The following DBN1 variants were observed in gnomAD, a reference collection of about 807,000 sequenced individuals.
DBN1 encodes the protein drebrin 1, also known as drebrin.
DBN1 carries 21 observed loss-of-function variants against 83.5 expected under a neutral mutation model. The ratio of observed to expected loss-of-function variants is 0.25; its 90% confidence interval spans 0.18 to 0.36. The LOEUF (loss-of-function observed/expected upper bound fraction) is 0.36, where lower values mean the gene tolerates loss of function less well. DBN1 is among the 10% of genes least tolerant of loss of function. DBN1 has a pLI of 1.00. For synonymous variants in DBN1, 381 were observed against 384.9 expected (o/e 0.99, Z 0.12); for missense variants, 874 against 935.7 (o/e 0.93, Z 0.86).
Position 177,473,514 on chromosome 5 carries a change from C to G in DBN1, c.8G>C (p.Gly3Ala). MA[G>A]VSFSGHRLEL... is the part of the protein sequence containing the mutation. ...CAGGCGGTGGCCGCTGAAGCTGACG[C>G]CGGCCATGCTTCGGGCCGGACCGGG... Residue 3 changes from glycine to alanine, a missense_variant, in exon 1 of 15, where the codon GGC (glycine) becomes GCC (alanine). This residue lies in a region of DBN1 where 82 missense variants were observed against 101.7 expected (regional missense o/e 0.81). Coordinates refer to ENST00000393565, the MANE Select transcript of DBN1 (RefSeq NM_001363541.2). 1 of 1,428,046 alleles carries G rather than the reference C, an allele frequency of 7.0e-7. No individual in the cohort carries two copies. Among genetic ancestry groups the G allele is most frequent in the African/African-American group, 1.5e-5 (1 of 68,020 alleles). 88.5% of individuals were successfully genotyped at this position (1,428,046 alleles called of 1,614,324 possible). A position where few individuals can be genotyped will look rare whatever the true frequency, so the allele number is the denominator to read the frequency against.
chr5:177,468,747 G>T (rs1757641066), intron 2 of DBN1, 97 bp downstream of exon 2: 1 of 723,378 alleles, frequency 1.4e-6, no homozygotes, highest in Non-Finnish European at 2.1e-6. Context: ...GCTGCAGGGT[G>T]CAGGCAGGGA....
Position 177,467,991 on chromosome 5 carries a change from CA to C in DBN1, c.255+116del. The C allele has an allele frequency of 1.9e-6, 2 of 1,048,858 alleles. No individual in the cohort carries two copies. The highest frequency in any genetic ancestry group is 2.9e-6 in the Non-Finnish European group (2 of 692,336). The allele number at this position is 1,048,858 out of a possible 1,614,324, so 65.0% of individuals were successfully genotyped here. A position where few individuals can be genotyped will look rare whatever the true frequency, so the allele number is the denominator to read the frequency against. The stretch of plus-strand genomic sequence containing the variant: ...CAGTTCCCTTCCCCAGCCCCGGCCG[CA>C]TACCCAGTTGATGAGCAGCTCTGGG... On this transcript the variant is annotated intron_variant, in intron 3 of 14. Transcript: ENST00000393565. The surrounding 1 kb of genome is among the most constrained non-coding windows in gnomAD (Gnocchi z 9.1).
chr5:177,459,152 C>T lies in DBN1; in HGVS notation c.1210G>A (p.Glu404Lys). The T allele has an allele frequency of 6.2e-7, 1 of 1,611,300 alleles. No individual in the cohort carries two copies. The highest frequency in any genetic ancestry group is 8.5e-7 in the Non-Finnish European group (1 of 1,178,782). Residue 404 changes from glutamate to lysine, a missense_variant, in exon 12 of 15, where the codon GAG (glutamate) becomes AAG (lysine). Around this residue, in one of 4 missense-constraint regions of DBN1, gnomAD observed 725 missense variants for 719.7 expected, o/e 1.01. Transcript: ENST00000393565. ...VAEQIERALD[E>K]VTSSQPPPLP... is the part of the protein sequence containing the mutation. ...GGTGGAGGCTGCGAGGAGGTGACCTCATCCAGGGCCCGCTCTATCTGCTCA... is the reference window on the plus strand; with the variant it reads ...GGTGGAGGCTGCGAGGAGGTGACCTTATCCAGGGCCCGCTCTATCTGCTCA...
intron 8 of DBN1, among the ~76,000 whole-genome samples, chr5:177,463,589 A>C (rs1757199327): frequency 6.6e-6 from 1 of 152,230 alleles, no homozygotes; most frequent in African/African-American, 2.4e-5. Flanking sequence ...GCTAAATCCC[A>C]AAGTCTCTCG....
At position 177,467,672 on chromosome 5, in the gene DBN1, C is replaced by G; in HGVS notation, c.331-45G>C. ...GTGCTCAGGCGGCACCATCCTCCCG[C>G]CATCCCCACCCCAGCACGCAGACCC... On this transcript the variant is annotated intron_variant, in intron 4 of 14. Coordinates refer to ENST00000393565, the MANE Select transcript of DBN1 (RefSeq NM_001363541.2). The surrounding 1 kb of genome is among the most constrained non-coding windows in gnomAD (Gnocchi z 9.1). 1 of 1,558,740 alleles carries G rather than the reference C, an allele frequency of 6.4e-7. No homozygotes were observed. The highest frequency in any genetic ancestry group is 8.7e-7 in the Non-Finnish European group (1 of 1,151,308).
chr5:177,457,260 G>A lies in DBN1; in HGVS notation c.*173C>T. 1 of 634,770 alleles carries A rather than the reference G, an allele frequency of 1.6e-6. No homozygotes were observed. The highest frequency in any genetic ancestry group is 2.8e-6 in the Non-Finnish European group (1 of 354,750). The allele number at this position is 634,770 out of a possible 1,614,324, so 39.3% of individuals were successfully genotyped here. ...ATCAACTTTTTAAAAAAAGAGAAAAGCTGTAAAAGTCAGGCCCTGTGGGTA... is the reference window on the plus strand; with the variant it reads ...ATCAACTTTTTAAAAAAAGAGAAAAACTGTAAAAGTCAGGCCCTGTGGGTA... On this transcript the variant is annotated 3_prime_UTR_variant, in exon 15 of 15. Transcript: ENST00000393565.
chr5:177,468,233 G>A lies in DBN1; in HGVS notation c.143-13C>T. 1 of 1,609,976 alleles carries A rather than the reference G, an allele frequency of 6.2e-7. No homozygotes were observed. Among genetic ancestry groups the A allele is most frequent in the East Asian group, 2.2e-5 (1 of 44,862 alleles). On this transcript the variant is annotated splice_polypyrimidine_tract_variant and intron_variant, in intron 2 of 14. Transcript: ENST00000393565. Reference sequence around the variant, plus strand: ...TGCAAGCCCCCTTCTAGGGTAATCAGGAGAGTGTCAGGTCTCTCTGCCTCC... The same window carrying A: ...TGCAAGCCCCCTTCTAGGGTAATCAAGAGAGTGTCAGGTCTCTCTGCCTCC...
Position 177,473,586 on chromosome 5 carries a change from A to T in DBN1, c.-65T>A. On this transcript the variant is annotated 5_prime_UTR_variant, in exon 1 of 15. Transcript: ENST00000393565. The stretch of plus-strand genomic sequence containing the variant: ...CGGACGGGCGGACGGAGGAGGAGGG[A>T]GGGAAAGAGGGAGTCGCCGCCGCCG... The T allele has an allele frequency of 1.1e-6, 1 of 923,102 alleles. No homozygotes were observed. Among genetic ancestry groups the T allele is most frequent in the Non-Finnish European group, 1.3e-6 (1 of 749,390 alleles). 57.2% of individuals were successfully genotyped at this position (923,102 alleles called of 1,614,324 possible). A position where few individuals can be genotyped will look rare whatever the true frequency, so the allele number is the denominator to read the frequency against.
rs1756972587 is a variant in DBN1 at position 177,460,765 on chromosome 5, T to C, written c.772-62A>G. On this transcript the variant is annotated intron_variant, in intron 8 of 14. Transcript: ENST00000393565. ...CCCCACAGGGGCTTTTGGCCTTCTT[T>C]TTTACTGTATTTTATTTATTGATTT... 20 of 1,502,894 alleles carry C rather than the reference T, an allele frequency of 1.3e-5. 1 individual carries two copies. In the South Asian group the frequency reaches 2.3e-4, roughly 17 times the overall value. The allele number at this position is 1,502,894 out of a possible 1,614,324, so 93.1% of individuals were successfully genotyped here.
chr5:177,462,157 C>T lies in DBN1; in HGVS notation c.772-1454G>A, dbSNP rs1757092944. The T allele has an allele frequency of 2.3e-5, 22 of 944,780 alleles. No individual in the cohort carries two copies. The South Asian group carries it at 9.7e-4, about 42-fold the overall frequency. The allele number at this position is 944,780 out of a possible 1,614,324, so 58.5% of individuals were successfully genotyped here. ...AGCGCCCGCACTTGGCCTACGTCCC[C>T]CACCCCTGCCTGACCTAGCCGTCAC... is the stretch of plus-strand genomic sequence containing the variant. On this transcript the variant is annotated intron_variant, in intron 8 of 14. Transcript: ENST00000393565.
At position 177,473,593 on chromosome 5, in the gene DBN1, G is replaced by A. The variant is rs1758006856; in HGVS notation, c.-72C>T. On this transcript the variant is annotated 5_prime_UTR_variant, in exon 1 of 15. Coordinates refer to ENST00000393565, the MANE Select transcript of DBN1 (RefSeq NM_001363541.2). ...GCGGACGGAGGAGGAGGGAGGGAAA[G>A]AGGGAGTCGCCGCCGCCGCCTCGGA... 2 of 1,073,942 alleles carry A rather than the reference G, an allele frequency of 1.9e-6. No individual in the cohort carries two copies. The highest frequency in any genetic ancestry group is 3.0e-5 in the South Asian group (1 of 33,528). The allele number at this position is 1,073,942 out of a possible 1,614,324, so 66.5% of individuals were successfully genotyped here. A position where few individuals can be genotyped will look rare whatever the true frequency, so the allele number is the denominator to read the frequency against.
At chr5:177,459,459 AGGCCAGG>A in intron 11 of DBN1, 137 bp downstream of exon 11, 1 of 1,319,312 alleles carries the variant, frequency 7.6e-7, no homozygotes, top group Non-Finnish European at 1.0e-6. Flanking sequence ...GTGCCCCATA[AGGCCAGG>A]GGCAAGAGGC....
chr5:177,459,171 C>G lies in DBN1; in HGVS notation c.1191G>C (p.Gln397His). 6.2e-7 allele frequency: 1 copy of G among 1,611,262 alleles called. No homozygotes were observed. The highest frequency in any genetic ancestry group is 8.5e-7 in the Non-Finnish European group (1 of 1,178,874). The change falls in exon 12 of 15, where the codon CAG (glutamine) becomes CAC (histidine). Residue 397 changes from glutamine to histidine, a missense_variant. Gln to His is a conservative substitution (Grantham distance 24, BLOSUM62 0). Around this residue, in one of 4 missense-constraint regions of DBN1, gnomAD observed 725 missense variants for 719.7 expected, o/e 1.01. Transcript: ENST00000393565. ...TGACCTCATCCAGGGCCCGCTCTAT[C>G]TGCTCAGCGACAGGGGTGGAGGCGG... is the stretch of plus-strand genomic sequence containing the variant. ...SSTASTPVAE[Q>H]IERALDEVTS...
At chr5:177,464,799 G>T (rs1008947654) in intron 8 of DBN1, among the ~76,000 whole-genome samples, 2 of 151,902 alleles carry the variant, frequency 1.3e-5, no homozygotes, top group Non-Finnish European at 2.9e-5. Flanking sequence ...AATTAGCCAG[G>T]CGTGGTGGTG....
Position 177,471,779 on chromosome 5 carries a change from C to T in DBN1, c.86+1657G>A, listed in dbSNP as rs535250017. Among the ~76,000 whole-genome samples the T allele has an allele frequency of 3.9e-5, 6 of 152,168 alleles. 1 individual carries two copies. Among genetic ancestry groups the T allele is most frequent in the South Asian group, 2.1e-4 (1 of 4,814 alleles). ...TGATGAATAACTCGCTTTGGCCACA[C>T]GGATGCTGCTGGGGTGGGTGGGGGC... On this transcript the variant is annotated intron_variant, in intron 1 of 14. Transcript: ENST00000393565.
Position 177,466,947 on chromosome 5 carries a change from C to A in DBN1, c.671G>T (p.Arg224Leu). 1 of 1,612,600 alleles carries A rather than the reference C, an allele frequency of 6.2e-7. No individual in the cohort carries two copies. Among genetic ancestry groups the A allele is most frequent in the Non-Finnish European group, 8.5e-7 (1 of 1,179,780 alleles). ...ERQEQEERER[R>L]YREREQQIEE... ...GATCTGCTGCTCCCGCTCCCGGTAG[C>A]GCCGCTCGCGCTCCTCTTGCTCCTG... The change falls in exon 7 of 15, where the codon CGC (arginine) becomes CTC (leucine). Residue 224 changes from arginine to leucine, a missense_variant. Arg to Leu is a moderately radical substitution (Grantham distance 102). Around this residue, in one of 4 missense-constraint regions of DBN1, gnomAD observed 725 missense variants for 719.7 expected, o/e 1.01. Transcript: ENST00000393565. The surrounding 1 kb of genome is among the most constrained non-coding windows in gnomAD (Gnocchi z 4.8).
Position 177,458,320 on chromosome 5 carries a change from G to A in DBN1, c.1652C>T (p.Thr551Ile). ...APTPPSGTEV[T>I]LAEVPLLDEV... ...ATCCAGCAGGGGCACCTCTGCCAGG[G>A]TGACCTCAGTACCCGAGGGTGGCGT... is the stretch of plus-strand genomic sequence containing the variant. Residue 551 changes from threonine to isoleucine, a missense_variant, in exon 13 of 15, where the codon ACC becomes ATC. Physicochemically the swap from Thr to Ile is moderately conservative, Grantham distance 89 (BLOSUM62 -1). Transcript: ENST00000393565. 4 of 1,613,388 alleles carry A rather than the reference G, an allele frequency of 2.5e-6. No homozygotes were observed. The highest frequency in any genetic ancestry group is 2.5e-6 in the Non-Finnish European group (3 of 1,179,440).
intron 12 of DBN1, 35 bp from the exon 13 acceptor site, chr5:177,458,742 G>T: frequency 6.8e-7 from 1 of 1,463,158 alleles, no homozygotes; most frequent in South Asian, 1.4e-5. Context: ...TATGTAACCG[G>T]CTCCCCTCGG....
chr5:177,464,950 C>T (rs193040709), intron 8 of DBN1, among the ~76,000 whole-genome samples: 63 of 152,002 alleles, frequency 4.1e-4, no homozygotes, highest in South Asian at 2.3e-3. Context: ...GTCAGGAGAT[C>T]GAGACCACCC....
Sources: allele counts gnomAD v4.1 joint callset (sites outside exome capture counted in the v4.1 genomes callset), GRCh38; gene constraint gnomAD v4.1.1; regional missense constraint gnomAD v4.1.1; non-coding constraint Gnocchi (gnomAD v3.1); transcripts MANE v1.5; gene names NCBI Gene and HGNC (gene_info 2026-07-23, HGNC 2026-07-21).